Variants in SENP1 observed in about 807,000 individuals in gnomAD.
The protein encoded by SENP1 is SUMO specific peptidase 1, also known as sentrin-specific protease 1.
SENP1 carries 21 observed loss-of-function variants against 93.0 expected under a neutral mutation model. The ratio of observed to expected loss-of-function variants is 0.23; its 90% CI spans 0.16 to 0.33. The LOEUF (loss-of-function observed/expected upper bound fraction) is 0.33, where lower values mean the gene tolerates loss of function less well. Among genes scored for constraint, SENP1 ranks in the 10% least tolerant of loss-of-function variants. SENP1 has a pLI of 1.00. For synonymous variants in SENP1, 256 were observed against 259.6 expected (o/e 0.99, Z 0.13); for missense variants, 591 against 758.7 (o/e 0.78, Z 2.60).
chr12:48,051,122 A>T (rs747518011), intron 13 of SENP1, among the ~76,000 whole-genome samples: 155 of 152,050 alleles, frequency 1.0e-3, no homozygotes, highest in Non-Finnish European at 2.0e-3. Flanking sequence ...GTGTCATGCT[A>T]TACATCACTA....
At chr12:48,051,525 TCTC>T (rs1169731149) in intron 13 of SENP1, among the ~76,000 whole-genome samples, 3 of 152,196 alleles carry the variant, frequency 2.0e-5, no homozygotes, top group Middle Eastern at 3.2e-3. Flanking sequence ...TTCAAGTCTT[TCTC>T]CTCAATTTTT....
chr12:48,062,340 G>A (rs1205680572), intron 13 of SENP1, among the ~76,000 whole-genome samples: 1 of 152,186 alleles, frequency 6.6e-6, no homozygotes, highest in East Asian at 1.9e-4. Flanking sequence ...TTGATTTGGT[G>A]AGCTCTTTTT....
intron 4 of SENP1, among the ~76,000 whole-genome samples, chr12:48,091,264 G>A (rs895662085): frequency 6.6e-6 from 1 of 152,148 alleles, no homozygotes; most frequent in South Asian, 2.1e-4. Flanking sequence ...AGCCTAGCCA[G>A]TATGGTGAAA....
chr12:48,086,718 ATACAG>A (rs1156556221), intron 5 of SENP1, among the ~76,000 whole-genome samples: 2 of 152,178 alleles, frequency 1.3e-5, no homozygotes, highest in African/African-American at 4.8e-5. Flanking sequence ...GTAGAACATT[ATACAG>A]AAAAGTCATG....
Position 48,048,063 on chromosome 12 carries a change from C to A in SENP1, c.1629G>T (p.Lys543Asn). The change falls in exon 15 of 18, where the codon AAG becomes AAT. Residue 543 changes from lysine (K) to asparagine (N), a missense_variant. Lys to Asn is a moderately conservative substitution (Grantham distance 94). This residue lies in a region of SENP1 where 132 missense variants were observed against 230.1 expected (regional missense o/e 0.57). Coordinates refer to ENST00000549518, the MANE Select transcript of SENP1 (RefSeq NM_001267594.2). ...HWCLAVVDFRKKNITYYDSMG... is the reference protein window; with the variant it reads ...HWCLAVVDFRNKNITYYDSMG... Reference sequence around the variant, plus strand: ...TGGAGTCGTAATAGGTAATATTCTTCTTTCTAAAGTCCACAACCTGAGAAT... The same window carrying A: ...TGGAGTCGTAATAGGTAATATTCTTATTTCTAAAGTCCACAACCTGAGAAT... The A allele has an allele frequency of 6.2e-7, 1 of 1,603,946 alleles. No individual in the cohort carries two copies. The highest frequency in any genetic ancestry group is 8.5e-7 in the Non-Finnish European group (1 of 1,171,068).
chr12:48,100,388 T>C (rs1023281912), intron 2 of SENP1, among the ~76,000 whole-genome samples: 2 of 152,134 alleles, frequency 1.3e-5, no homozygotes, highest in Non-Finnish European at 2.9e-5. Context: ...CTCAGCACTG[T>C]GGGAGGCCAA....
intron 13 of SENP1, among the ~76,000 whole-genome samples, chr12:48,051,001 G>C (rs1336648933): frequency 6.6e-6 from 1 of 151,830 alleles, no homozygotes; most frequent in Non-Finnish European, 1.5e-5. Context: ...AGATAAGGAC[G>C]GTGAAGCACA....
intron 4 of SENP1, among the ~76,000 whole-genome samples, chr12:48,093,861 G>A (rs769151701): frequency 9.9e-5 from 15 of 152,146 alleles, no homozygotes; most frequent in Non-Finnish European, 1.9e-4. Flanking sequence ...AGCTACTCAG[G>A]GGGCTGAGGT....
At chr12:48,103,577 G>A (rs1009922860) in intron 1 of SENP1, among the ~76,000 whole-genome samples, 2 of 152,186 alleles carry the variant, frequency 1.3e-5, no homozygotes, top group African/African-American at 4.8e-5. Flanking sequence ...TACATTGGGA[G>A]AAGGAATATT....
At chr12:48,085,013 A>G in intron 5 of SENP1, 1 of 914,186 alleles carries the variant, frequency 1.1e-6, no homozygotes, top group Non-Finnish European at 1.6e-6. Flanking sequence ...GAATGGGGAA[A>G]TGAGAGTGGC....
intron 9 of SENP1, among the ~76,000 whole-genome samples, chr12:48,068,106 T>C (rs1003496945): frequency 6.6e-6 from 1 of 152,146 alleles, no homozygotes; most frequent in African/African-American, 2.4e-5. Context: ...ACTCATGACC[T>C]CCGGTGATCC....
chr12:48,055,785 ATTATT>A (rs1008779499), intron 13 of SENP1, among the ~76,000 whole-genome samples: 4 of 145,822 alleles, frequency 2.7e-5, no homozygotes, highest in Non-Finnish European at 6.0e-5. Context: ...TATAATATAT[ATTATT>A]TAATATATAA....
chr12:48,054,000 G>GA (rs1172663349), intron 13 of SENP1, among the ~76,000 whole-genome samples: 5 of 152,154 alleles, frequency 3.3e-5, no homozygotes, highest in Non-Finnish European at 1.5e-5. Flanking sequence ...TGACAGCAAG[G>GA]AATGAGAGGG....
At position 48,097,983 on chromosome 12, in the gene SENP1, T is replaced by C. The variant is rs895639641; in HGVS notation, c.135+11A>G. 1.2e-6 allele frequency: 2 copies of C among 1,609,620 alleles called. No individual in the cohort carries two copies. Among genetic ancestry groups the C allele is most frequent in the Admixed American group, 1.7e-5 (1 of 59,316 alleles). Reference sequence around the variant, plus strand: ...TAATTAATTAATTAAAGGAAGAAAATTGCTCCTAACCTGCTGGTCAGAAAG... The same window carrying C: ...TAATTAATTAATTAAAGGAAGAAAACTGCTCCTAACCTGCTGGTCAGAAAG... On this transcript the variant is annotated intron_variant, in intron 3 of 17. Transcript: ENST00000549518.
chr12:48,104,594 TAAGA>T (rs1463504622), intron 1 of SENP1, among the ~76,000 whole-genome samples: 1 of 152,256 alleles, frequency 6.6e-6, no homozygotes, highest in Middle Eastern at 3.4e-3. Flanking sequence ...CTACGTGCAT[TAAGA>T]AAGGGTCCCT....
chr12:48,104,389 C>T, intron 1 of SENP1, among the ~76,000 whole-genome samples: 1 of 151,554 alleles, frequency 6.6e-6, no homozygotes, highest in East Asian at 1.9e-4. Flanking sequence ...TGTGAAATCA[C>T]CCTTTTCCAA....
intron 4 of SENP1, chr12:48,089,333 G>C (rs745679940): frequency 2.2e-6 from 3 of 1,339,014 alleles, no homozygotes; most frequent in Middle Eastern, 2.1e-4. Flanking sequence ...AAGCAGGTGG[G>C]GGGCCAGTGA....
intron 13 of SENP1, among the ~76,000 whole-genome samples, chr12:48,058,965 C>T (rs572385828): frequency 6.6e-6 from 1 of 152,236 alleles, no homozygotes; most frequent in Admixed American, 6.5e-5. Context: ...TGTCTTCTGG[C>T]CTGCATCGTT....
At position 48,077,573 on chromosome 12, in the gene SENP1, A is replaced by G. The variant is rs540316751; in HGVS notation, c.553-2780T>C. Among the ~76,000 whole-genome samples the G allele has an allele frequency of 3.9e-5, 6 of 152,148 alleles. No homozygotes were observed. In the South Asian group the frequency reaches 8.3e-4, roughly 21 times the overall value. ...TGTCAAAAATCAGTCAACTAGCTATATAACGGGTTCACTTTTTTTTTCGTC... is the reference window on the plus strand; with the variant it reads ...TGTCAAAAATCAGTCAACTAGCTATGTAACGGGTTCACTTTTTTTTTCGTC... On this transcript the variant is annotated intron_variant, in intron 6 of 17. Coordinates refer to ENST00000549518, the MANE Select transcript of SENP1 (RefSeq NM_001267594.2).
Sources: allele counts gnomAD v4.1 joint callset (sites outside exome capture counted in the v4.1 genomes callset), GRCh38; gene constraint gnomAD v4.1.1; regional missense constraint gnomAD v4.1.1; transcripts MANE v1.5; gene names NCBI Gene and HGNC (gene_info 2026-07-23, HGNC 2026-07-21).